The following PPCDC variants were observed in gnomAD, a reference collection of about 807,000 sequenced individuals.
PPCDC encodes phosphopantothenoylcysteine decarboxylase.
PPCDC carries 20 observed loss-of-function variants against 20.7 expected under a neutral mutation model. That is an observed-to-expected ratio of 0.97 (90% confidence interval 0.68 to 1.41). PPCDC has a LOEUF of 1.41. Among genes scored for constraint, PPCDC ranks in the 40% most tolerant of loss-of-function variants. The pLI, the probability that PPCDC is intolerant of heterozygous loss-of-function variation, is 0.00. For missense variants in PPCDC, 246 were observed against 263.8 expected, an observed-to-expected ratio of 0.93 and a Z score of 0.47; for synonymous variants, 88 against 100.3, an observed-to-expected ratio of 0.88 and a Z score of 0.73.
intron 2 of PPCDC, among the ~76,000 whole-genome samples, chr15:75,035,209 A>AT (rs1465072804): frequency 6.6e-6 from 1 of 151,850 alleles, no homozygotes; most frequent in Non-Finnish European, 1.5e-5. Flanking sequence ...AACGGGGGTG[A>AT]TTTTCCCTCC....
chr15:75,026,214 C>T (rs2065957997), intron 1 of PPCDC, among the ~76,000 whole-genome samples: 1 of 152,156 alleles, frequency 6.6e-6, no homozygotes, highest in Admixed American at 6.5e-5. Flanking sequence ...CACCAGTTGG[C>T]TAGGGTGGGA....
At chr15:75,044,236 G>T in intron 3 of PPCDC, 150 bp from the exon 4 acceptor site, 2 of 1,104,650 alleles carry the variant, frequency 1.8e-6, no homozygotes, top group Non-Finnish European at 2.6e-6. Flanking sequence ...CATGGCTAGC[G>T]CTCGCCAGCT....
chr15:75,035,967 A>G (rs1309225794), intron 2 of PPCDC, among the ~76,000 whole-genome samples: 1 of 149,592 alleles, frequency 6.7e-6, no homozygotes, highest in Admixed American at 6.7e-5. Flanking sequence ...GTGTCTCAAA[A>G]AAAAAAAAAA....
chr15:75,040,753 C>T (rs1212435932), intron 2 of PPCDC, among the ~76,000 whole-genome samples: 1 of 152,178 alleles, frequency 6.6e-6, no homozygotes, highest in Non-Finnish European at 1.5e-5. Flanking sequence ...TCTGCCTTCC[C>T]AGGCTCAAGG....
At chr15:75,042,421 C>G (rs1430024110) in intron 2 of PPCDC, among the ~76,000 whole-genome samples, 1 of 151,978 alleles carries the variant, frequency 6.6e-6, no homozygotes, top group Non-Finnish European at 1.5e-5. Context: ...GAGACTGGGG[C>G]GGGTGGATCA....
chr15:75,033,371 G>A (rs1171747435), intron 2 of PPCDC, among the ~76,000 whole-genome samples: 1 of 152,170 alleles, frequency 6.6e-6, no homozygotes, highest in Non-Finnish European at 1.5e-5. Flanking sequence ...TTCTTATACT[G>A]AGTTACTGCA....
At chr15:75,040,768 C>T (rs1226125259) in intron 2 of PPCDC, among the ~76,000 whole-genome samples, 9 of 152,090 alleles carry the variant, frequency 5.9e-5, no homozygotes, top group African/African-American at 2.2e-4. Context: ...TCAAGGGCTC[C>T]GCCCACTTCA....
At position 75,049,445 on chromosome 15, in the gene PPCDC, G is replaced by A; in HGVS notation, c.*210G>A. ...TTCAACCAGGAGAGGCCGCTGCCTAGAGCCCCTCCCCACCTTTTCCTGGAT... is the reference window on the plus strand; with the variant it reads ...TTCAACCAGGAGAGGCCGCTGCCTAAAGCCCCTCCCCACCTTTTCCTGGAT... On this transcript the variant is annotated 3_prime_UTR_variant, in exon 6 of 6. Transcript: ENST00000342932. The A allele has an allele frequency of 1.7e-6, 1 of 574,010 alleles. No homozygotes were observed. Among genetic ancestry groups the A allele is most frequent in the Non-Finnish European group, 3.1e-6 (1 of 323,010 alleles). 35.6% of individuals were successfully genotyped at this position (574,010 alleles called of 1,614,324 possible).
At chr15:75,038,998 T>C (rs1383165364) in intron 2 of PPCDC, among the ~76,000 whole-genome samples, 1 of 152,206 alleles carries the variant, frequency 6.6e-6, no homozygotes, top group Non-Finnish European at 1.5e-5. Flanking sequence ...TGTTATGTTC[T>C]TGTTTCTTGG....
intron 2 of PPCDC, among the ~76,000 whole-genome samples, 178 bp downstream of exon 2, chr15:75,028,631 C>T (rs1207644437): frequency 1.3e-5 from 2 of 152,084 alleles, no homozygotes; most frequent in African/African-American, 4.8e-5. Flanking sequence ...GAGACCAGTG[C>T]CCAGTGTAAC....
intron 2 of PPCDC, among the ~76,000 whole-genome samples, chr15:75,029,815 G>T (rs1469298089): frequency 6.6e-6 from 1 of 152,122 alleles, no homozygotes; most frequent in African/African-American, 2.4e-5. Context: ...GAGCCATGCA[G>T]TTCCCTTTTC....
At chr15:75,048,975 T>TC (rs1233059915) in intron 5 of PPCDC, among the ~76,000 whole-genome samples, 175 bp from the exon 6 acceptor site, 1 of 151,976 alleles carries the variant, frequency 6.6e-6, no homozygotes, top group Non-Finnish European at 1.5e-5. Flanking sequence ...CTGGAACGAG[T>TC]CCCAGGGTCT....
At chr15:75,048,334 C>T (rs2066265196) in intron 4 of PPCDC, among the ~76,000 whole-genome samples, 1 of 152,204 alleles carries the variant, frequency 6.6e-6, no homozygotes, top group Admixed American at 6.5e-5. Context: ...TGGTTGAGCA[C>T]CTCCTGTTTG....
chr15:75,044,622 C>A, intron 4 of PPCDC, 108 bp downstream of exon 4: 1 of 1,420,482 alleles, frequency 7.0e-7, no homozygotes, highest in Non-Finnish European at 9.5e-7. Context: ...CCCCGGTCTG[C>A]CCAGGGAGAT....
chr15:75,043,395 A>G, intron 2 of PPCDC, 46 bp from the exon 3 acceptor site: 1 of 1,528,102 alleles, frequency 6.5e-7, no homozygotes, highest in East Asian at 2.4e-5. Context: ...GGCTCTGGTA[A>G]CAGTTTCTTC....
intron 4 of PPCDC, among the ~76,000 whole-genome samples, chr15:75,045,654 A>G (rs2066222721): frequency 6.6e-6 from 1 of 152,148 alleles, no homozygotes; most frequent in African/African-American, 2.4e-5. Context: ...CATCATTTGA[A>G]TAAGAGCACA....
At chr15:75,043,735 C>G (rs1268263962) in intron 3 of PPCDC, 199 bp downstream of exon 3, 1 of 578,232 alleles carries the variant, frequency 1.7e-6, no homozygotes, top group Non-Finnish European at 3.1e-6. Context: ...TCCTCCCGGC[C>G]CAGGCAGAGC....
intron 2 of PPCDC, among the ~76,000 whole-genome samples, chr15:75,030,417 A>G (rs1238498273): frequency 2.0e-5 from 3 of 152,182 alleles, no homozygotes; most frequent in Non-Finnish European, 4.4e-5. Context: ...GGGCAACCCC[A>G]CTGGGAAGAG....
intron 2 of PPCDC, 130 bp from the exon 3 acceptor site, chr15:75,043,311 G>A: frequency 1.4e-6 from 1 of 694,522 alleles, no homozygotes; most frequent in Non-Finnish European, 2.5e-6. Flanking sequence ...AGCTAAGGAG[G>A]GAAGTCCTCT....
Sources: gnomAD v4.1 joint callset for allele counts (sites outside exome capture counted in the v4.1 genomes callset) on GRCh38, gnomAD v4.1.1 for gene constraint, MANE v1.5 for transcripts, NCBI Gene and HGNC (gene_info 2026-07-23, HGNC 2026-07-21) for gene names.